Variants in CDH4 observed in about 807,000 individuals in gnomAD.
The protein encoded by CDH4 is cadherin-4.
CDH4 carries 33 observed loss-of-function variants against 86.0 expected under a neutral mutation model. That is an observed-to-expected ratio of 0.38 (90% confidence interval 0.29 to 0.51). CDH4 has a LOEUF of 0.51. Ranked by LOEUF, CDH4 falls within the 20% of genes least tolerant of loss-of-function variation. The probability of loss-of-function intolerance (pLI) is 0.86; values close to 1 mark genes in which losing one functional copy is unlikely to be tolerated. For synonymous variants in CDH4, 555 were observed against 549.4 expected, an observed-to-expected ratio of 1.01 and a Z score of -0.14; for missense variants, 1,114 against 1,307.4, an observed-to-expected ratio of 0.85 and a Z score of 2.28.
chr20:61,837,799 G>GCCTT (rs1981949254), intron 4 of CDH4, among the ~76,000 whole-genome samples: 1 of 152,084 alleles, frequency 6.6e-6, no homozygotes, highest in Non-Finnish European at 1.5e-5. Flanking sequence ...ATCCGCCCCA[G>GCCTT]CCTCCAGGAG....
chr20:61,775,646 A>T (rs2088831573), intron 4 of CDH4, among the ~76,000 whole-genome samples: 1 of 152,120 alleles, frequency 6.6e-6, no homozygotes, highest in Non-Finnish European at 1.5e-5. Flanking sequence ...TCCGAAACTC[A>T]AGAAAGGGCT....
Position 61,620,202 on chromosome 20 carries a change from A to ATGGATGGATGGACGGATGGGTGGGTGGG in CDH4, c.170-123357_170-123356insTGGATGGACGGATGGGTGGGTGGGTGGA, listed in dbSNP as rs2086761994. Among the ~76,000 whole-genome samples the ATGGATGGATGGACGGATGGGTGGGTGGG allele has an allele frequency of 1.5e-4, 21 of 143,264 alleles. 1 individual carries two copies. The highest frequency in any genetic ancestry group is 5.9e-4 in the African/African-American group (21 of 35,772). The allele number at this position is 143,264 out of a possible 152,430, so 94.0% of individuals were successfully genotyped here. On this transcript the variant is annotated intron_variant, in intron 2 of 15. Transcript: ENST00000614565. Reference sequence around the variant, plus strand: ...GGTGGGTGGGTGGATGGATGGATGGATGGACAGACAGGCAGGCTGGTAGGC... The same window carrying ATGGATGGATGGACGGATGGGTGGGTGGG: ...GGTGGGTGGGTGGATGGATGGATGGATGGATGGATGGACGGATGGGTGGGTGGGTGGACAGACAGGCAGGCTGGTAGGC...
intron 2 of CDH4, among the ~76,000 whole-genome samples, chr20:61,679,288 G>A (rs1053212825): frequency 1.3e-5 from 2 of 152,152 alleles, no homozygotes; most frequent in African/African-American, 4.8e-5. Context: ...CTTTTTTGCA[G>A]CATAGTATAG....
chr20:61,572,146 G>A (rs372640453), intron 2 of CDH4, among the ~76,000 whole-genome samples: 9 of 152,148 alleles, frequency 5.9e-5, no homozygotes, highest in East Asian at 5.8e-4. Flanking sequence ...ACTGGCAGCC[G>A]TGGGGATCTG....
At chr20:61,720,886 T>C (rs2088033349) in intron 2 of CDH4, among the ~76,000 whole-genome samples, 1 of 152,148 alleles carries the variant, frequency 6.6e-6, no homozygotes, top group Non-Finnish European at 1.5e-5. Context: ...AACCATTAGC[T>C]TGGTGGCTTC....
rs944252 is a variant in CDH4 at position 61,709,642 on chromosome 20, A to G, written c.170-33921A>G. Among the ~76,000 whole-genome samples the G allele has an allele frequency of 0.7, 106,272 of 151,572 alleles. 38,895 individuals carry two copies. The highest frequency in any genetic ancestry group is 0.82 in the Admixed American group (12,473 of 15,238). On this transcript the variant is annotated intron_variant, in intron 2 of 15. Coordinates refer to ENST00000614565, the MANE Select transcript of CDH4 (RefSeq NM_001794.5). The surrounding 1 kb of genome is among the most constrained non-coding windows in gnomAD (Gnocchi z 4.8). ...CACAGAGTGAGCAGAGGTGCATGGC[A>G]GAGAAGGTAGCATGGTTTCCAGAGT...
chr20:61,597,880 C>T (rs565726174), intron 2 of CDH4, among the ~76,000 whole-genome samples: 99 of 152,256 alleles, frequency 6.5e-4, no homozygotes, highest in African/African-American at 2.0e-3. Flanking sequence ...AGGGCAGGGA[C>T]GGAACCCACC....
At chr20:61,355,498 G>A (rs919559121) in intron 2 of CDH4, among the ~76,000 whole-genome samples, 4 of 152,174 alleles carry the variant, frequency 2.6e-5, no homozygotes, top group African/African-American at 4.8e-5. Context: ...AAAAGACCAC[G>A]TGCCTCATAA....
chr20:61,932,948 G>A lies in CDH4; in HGVS notation c.2240-37G>A, dbSNP rs113574520. 2,027 of 1,597,514 alleles carry A rather than the reference G, an allele frequency of 1.3e-3. 21 individuals are homozygous for A. The African/African-American group carries it at 0.022, about 17-fold the overall frequency. ...CACAGAGGCACACATGCGCACACCC[G>A]CAGCACACCCTGCTCACGGGCAGCC... On this transcript the variant is annotated intron_variant, in intron 13 of 15. Transcript: ENST00000614565.
At chr20:61,741,582 C>T (rs2088336145) in intron 2 of CDH4, among the ~76,000 whole-genome samples, 1 of 152,008 alleles carries the variant, frequency 6.6e-6, no homozygotes, top group African/African-American at 2.4e-5. Flanking sequence ...AGCTCCTCCT[C>T]CCAGGTTCAC....
chr20:61,732,618 G>A (rs984100151), intron 2 of CDH4, among the ~76,000 whole-genome samples: 5 of 152,176 alleles, frequency 3.3e-5, no homozygotes, highest in East Asian at 3.9e-4. Flanking sequence ...GAGAGGGGAT[G>A]CCTCCCTCCA....
chr20:61,620,794 T>C (rs78887413), intron 2 of CDH4, among the ~76,000 whole-genome samples: 2,156 of 152,342 alleles, frequency 0.014, 42 homozygotes, highest in African/African-American at 0.05. Flanking sequence ...TATGTTGTAA[T>C]ACGAATCAGG....
chr20:61,567,930 A>C (rs2252187), intron 2 of CDH4, among the ~76,000 whole-genome samples: 1 of 152,174 alleles, frequency 6.6e-6, no homozygotes, highest in East Asian at 1.9e-4. Flanking sequence ...CTATGATTGC[A>C]CCACTGTACT....
intron 3 of CDH4, among the ~76,000 whole-genome samples, chr20:61,768,313 C>G (rs186113659): frequency 1.1e-4 from 16 of 152,172 alleles, no homozygotes; most frequent in African/African-American, 3.9e-4. Context: ...AGTCATACAC[C>G]CATACATCTG....
intron 2 of CDH4, among the ~76,000 whole-genome samples, chr20:61,329,530 GCTCT>G (rs751108762): frequency 6.7e-6 from 1 of 149,416 alleles, no homozygotes; most frequent in Non-Finnish European, 1.5e-5. Flanking sequence ...GAGGGCTCTT[GCTCT>G]CTCTCTCTCT....
intron 2 of CDH4, among the ~76,000 whole-genome samples, 158 bp from the exon 3 acceptor site, chr20:61,743,405 T>TA (rs1167408774): frequency 6.6e-6 from 1 of 152,138 alleles, no homozygotes; most frequent in Admixed American, 6.5e-5. Flanking sequence ...GGGGTTGAGA[T>TA]AAAACACACC....
In CDH4 at chr20:61,377,506, A is replaced by G. The variant is rs2084878874; in HGVS notation, c.169+122569A>G. Among the ~76,000 whole-genome samples, 1 of 152,274 alleles carries G rather than the reference A, an allele frequency of 6.6e-6. No individual in the cohort carries two copies. Among genetic ancestry groups the G allele is most frequent in the African/African-American group, 2.4e-5 (1 of 41,554 alleles). ...AGACATCCCCATGTGCACTTGTATA[A>G]AGAGGAGGCTGTGGTTACGGTGACC... is the stretch of plus-strand genomic sequence containing the variant. On this transcript the variant is annotated intron_variant, in intron 2 of 15. Transcript: ENST00000614565. The surrounding 1 kb of genome is among the most constrained non-coding windows in gnomAD (Gnocchi z 4.0).
intron 2 of CDH4, among the ~76,000 whole-genome samples, chr20:61,282,501 C>G (rs994770235): frequency 6.6e-6 from 1 of 152,020 alleles, no homozygotes; most frequent in African/African-American, 2.4e-5. Flanking sequence ...ACTTCATTTC[C>G]CTCCTCTGAA....
intron 7 of CDH4, among the ~76,000 whole-genome samples, chr20:61,875,777 G>A (rs141580997): frequency 1.3e-5 from 2 of 152,316 alleles, no homozygotes; most frequent in East Asian, 1.9e-4. Context: ...CCGTCATTCA[G>A]CTAGGGAGAT....
Sources: allele counts gnomAD v4.1 joint callset (sites outside exome capture counted in the v4.1 genomes callset), GRCh38; gene constraint gnomAD v4.1.1; non-coding constraint Gnocchi (gnomAD v3.1); transcripts MANE v1.5; gene names NCBI Gene and HGNC (gene_info 2026-07-23, HGNC 2026-07-21).